Variants in ANKRD26 observed in about 807,000 individuals in gnomAD.
The protein encoded by ANKRD26 is ankyrin repeat domain 26, also known as ankyrin repeat domain-containing protein 26.
In ANKRD26, 141 loss-of-function variants were observed where a neutral mutation model predicts 208.7. The observed-to-expected ratio is 0.68, with a 90% CI of 0.59 to 0.78. The LOEUF (loss-of-function observed/expected upper bound fraction) is 0.78. ANKRD26 is among the 30% of genes least tolerant of loss of function. The probability of loss-of-function intolerance (pLI) is 0.00; values close to 1 mark genes in which losing one functional copy is unlikely to be tolerated. For synonymous variants in ANKRD26, 636 were observed against 660.4 expected (o/e 0.96, Z 0.57); for missense variants, 1,889 against 1,938.7 (o/e 0.97, Z 0.48).
At chr10:27,099,094 G>C (rs755147390) in intron 1 of ANKRD26, among the ~76,000 whole-genome samples, 8 of 151,336 alleles carry the variant, frequency 5.3e-5, no homozygotes, top group Admixed American at 2.6e-4. Context: ...AGGTTCAAGC[G>C]ATTCTCCTGC....
chr10:27,035,066 C>T lies in ANKRD26; in HGVS notation c.3384G>A (p.Lys1128=), dbSNP rs41299210. ...ACAATCTCTCCTCTACAGACTCCTG[C>T]TTTCCAATGTATTTATTCACTTTAA... is the stretch of plus-strand genomic sequence containing the variant. ...EQVKVNKYIG[K]QESVEERLSQ... Residue 1128 remains lysine, a synonymous_variant, in exon 24 of 34, where the codon AAG becomes AAA. Coordinates refer to ENST00000376087, the MANE Select transcript of ANKRD26 (RefSeq NM_014915.3). 36,312 of 1,613,328 alleles carry T rather than the reference C, an allele frequency of 0.023. 517 individuals are homozygous for T. Among genetic ancestry groups the T allele is most frequent in the Non-Finnish European group, 0.025 (29,891 of 1,179,764 alleles).
At chr10:27,032,974 C>CTG (rs1443690495) in intron 25 of ANKRD26, among the ~76,000 whole-genome samples, 1 of 150,588 alleles carries the variant, frequency 6.6e-6, no homozygotes, top group African/African-American at 2.4e-5. Flanking sequence ...ACTCGGGAGG[C>CTG]TGAGGCAGGA....
chr10:27,048,164 C>G (rs1311321088), intron 17 of ANKRD26, among the ~76,000 whole-genome samples: 4 of 152,052 alleles, frequency 2.6e-5, no homozygotes, highest in Admixed American at 6.6e-5. Context: ...TAAAAATACC[C>G]AGTATACTGA....
At chr10:27,079,000 G>T in intron 7 of ANKRD26, 89 bp downstream of exon 7, 12 of 1,018,982 alleles carry the variant, frequency 1.2e-5, no homozygotes, top group Non-Finnish European at 1.4e-5. Context: ...AGAAAACAAT[G>T]ATAAGTAGAC....
At chr10:27,061,319 G>A (rs2055047251) in intron 12 of ANKRD26, 77 bp from the exon 13 acceptor site, 1 of 896,976 alleles carries the variant, frequency 1.1e-6, no homozygotes, top group Non-Finnish European at 1.8e-6. Context: ...CACAGAATTA[G>A]ATATTAATAA....
At chr10:27,004,042 A>C (rs1422347156), downstream of ANKRD26, 1 of 152,228 alleles carries the variant, frequency 6.6e-6, no homozygotes, top group Admixed American at 6.5e-5. Context: ...TACTACAGTT[A>C]TGTAAGGTAA....
chr10:26,955,189 G>C, the ANKRD26 span, among the ~76,000 whole-genome samples: 749 of 152,004 alleles, frequency 4.9e-3, 6 homozygotes, highest in African/African-American at 0.015. Flanking sequence ...AGCACTTTGG[G>C]AGGCCGAGGT....
chr10:27,028,585 C>CAAAAAAA lies in ANKRD26; in HGVS notation c.3972+260_3972+266dup, dbSNP rs11294303. Among the ~76,000 whole-genome samples the CAAAAAAA allele has an allele frequency of 4.3e-4, 33 of 76,058 alleles. 1 individual carries two copies. In the East Asian group the frequency reaches 4.4e-3, roughly 10 times the overall value. 49.9% of individuals were successfully genotyped at this position (76,058 alleles called of 152,430 possible). A position where few individuals can be genotyped will look rare whatever the true frequency, so the allele number is the denominator to read the frequency against. ...TGGGCGACAGAGTGAGACTCCATCT[C>CAAAAAAA]AAAAAAAAAAAAAAAAAAAAATTAC... On this transcript the variant is annotated intron_variant, in intron 27 of 33. Transcript: ENST00000376087.
At chr10:26,978,638 A>G (rs999848502) in intron 5 of ANKRD26, among the ~76,000 whole-genome samples, 1 of 151,970 alleles carries the variant, frequency 6.6e-6, no homozygotes, top group Non-Finnish European at 1.5e-5. Flanking sequence ...GGCCTGTTTC[A>G]TCCTCTGCCT....
exon 6 of ANKRD26, among the ~76,000 whole-genome samples, chr10:26,975,427 G>GTTTTT (rs2052211346): frequency 1.7e-4 from 3 of 17,280 alleles, no homozygotes; most frequent in African/African-American, 3.9e-4. Flanking sequence ...TTTTGGTGTA[G>GTTTTT]TTGAGGTCTC....
At chr10:27,060,198 G>T in intron 15 of ANKRD26, 147 bp downstream of exon 15, 1 of 684,494 alleles carries the variant, frequency 1.5e-6, no homozygotes, top group Non-Finnish European at 2.5e-6. Flanking sequence ...GCAAGACTCG[G>T]TCTCAATTAA....
At chr10:26,983,325 T>TTAC (rs2052336571) in intron 3 of ANKRD26, among the ~76,000 whole-genome samples, 1 of 152,176 alleles carries the variant, frequency 6.6e-6, no homozygotes, top group African/African-American at 2.4e-5. Flanking sequence ...AGAGTCTGAA[T>TTAC]TACTCATCCT....
chr10:27,048,176 A>G (rs2054525386), intron 17 of ANKRD26, among the ~76,000 whole-genome samples: 1 of 152,192 alleles, frequency 6.6e-6, no homozygotes, highest in Admixed American at 6.5e-5. Context: ...GTATACTGAA[A>G]TGTTTACATG....
intron 9 of ANKRD26, among the ~76,000 whole-genome samples, chr10:27,068,964 A>G (rs1221501141): frequency 6.6e-6 from 1 of 151,894 alleles, no homozygotes; most frequent in Non-Finnish European, 1.5e-5. Context: ...GAGGCCAAGA[A>G]GTGGGCGGAT....
the ANKRD26 span, among the ~76,000 whole-genome samples, chr10:26,962,061 T>TGG: frequency 1.2e-4 from 19 of 152,284 alleles, no homozygotes; most frequent in African/African-American, 4.6e-4. Context: ...TTTGGGCACT[T>TGG]GTGATATGGT....
downstream of ANKRD26, among the ~76,000 whole-genome samples, chr10:26,990,624 G>A (rs2052469567): frequency 6.6e-6 from 1 of 152,144 alleles, no homozygotes; most frequent in South Asian, 2.1e-4. Flanking sequence ...TGTCTATGGA[G>A]TATTCCTCCC....
rs2135558661 is a variant in ANKRD26 at position 27,075,143 on chromosome 10, C to T, written c.1077+2195G>A. On this transcript the variant is annotated intron_variant, in intron 9 of 33. Transcript: ENST00000376087. ...ATAACAGAATAGAAACTTCTGAAAG[C>T]ATACAATTCACAAAGTTTATAAAAC... Among the ~76,000 whole-genome samples the T allele has an allele frequency of 2.6e-5, 4 of 152,252 alleles. No homozygotes were observed. The Middle Eastern group carries it at 0.01, about 388-fold the overall frequency.
the ANKRD26 span, among the ~76,000 whole-genome samples, chr10:26,967,145 A>G: frequency 6.6e-6 from 1 of 152,226 alleles, no homozygotes; most frequent in East Asian, 1.9e-4. Context: ...CATTCTTCTT[A>G]CAACAAAATA....
intron 31 of ANKRD26, 107 bp downstream of exon 31, chr10:27,014,387 A>G: frequency 1.2e-6 from 1 of 829,058 alleles, no homozygotes; most frequent in Non-Finnish European, 1.9e-6. Flanking sequence ...AAATTATATT[A>G]CCTATTTAGC....
Sources: gnomAD v4.1 joint callset for allele counts (sites outside exome capture counted in the v4.1 genomes callset) on GRCh38, gnomAD v4.1.1 for gene constraint, MANE v1.5 for transcripts, NCBI Gene and HGNC (gene_info 2026-07-23, HGNC 2026-07-21) for gene names.